KIAA1217: variants seen among roughly 807,000 people sequenced by gnomAD.
KIAA1217 encodes the protein KIAA1217, also known as sickle tail protein homolog.
A neutral mutation model predicts 163.9 loss-of-function variants in KIAA1217; 88 were observed. The observed-to-expected ratio is 0.54, with a 90% confidence interval of 0.45 to 0.64. The LOEUF is 0.64. Among genes scored for constraint, KIAA1217 ranks in the 30% least tolerant of loss-of-function variants. The probability of loss-of-function intolerance (pLI) is 0.00; values close to 1 mark genes in which losing one functional copy is unlikely to be tolerated. For synonymous variants in KIAA1217, 903 were observed against 923.1 expected (o/e 0.98, Z 0.39); for missense variants, 2,372 against 2,475.0 (o/e 0.96, Z 0.88).
chr10:23,931,076 C>A (rs1310585113), intron 1 of KIAA1217, among the ~76,000 whole-genome samples: 1 of 152,134 alleles, frequency 6.6e-6, no homozygotes, highest in African/African-American at 2.4e-5. Context: ...ATAGTTCCTA[C>A]TTCTAGGCTG....
chr10:24,132,305 A>T (rs1020589203), intron 2 of KIAA1217, among the ~76,000 whole-genome samples: 18 of 152,212 alleles, frequency 1.2e-4, no homozygotes, highest in African/African-American at 4.3e-4. Flanking sequence ...AACACAGAGC[A>T]GTCTGTCACA....
rs1216914194 is a variant in KIAA1217, at chr10:24,473,351, C to A, written c.970C>A (p.Pro324Thr). The change falls in exon 6 of 21, where the codon CCC (proline) becomes ACC (threonine). Residue 324 changes from proline (P) to threonine (T), a missense_variant. Transcript: ENST00000376454. Reference sequence around the variant, plus strand: ...GTCTACTCCAGTGCCCCATTCCATGCCCCCCTCCCCGTCCAGAATTCCTTA... The same window carrying A: ...GTCTACTCCAGTGCCCCATTCCATGACCCCCTCCCCGTCCAGAATTCCTTA... ...PPSTPVPHSM[P>T]PSPSRIPYGG... 3 of 1,599,720 alleles carry A rather than the reference C, an allele frequency of 1.9e-6. No individual in the cohort carries two copies. Among genetic ancestry groups the A allele is most frequent in the African/African-American group, 1.3e-5 (1 of 74,630 alleles).
At chr10:23,860,843 T>C (rs1050941317) in intron 1 of KIAA1217, among the ~76,000 whole-genome samples, 5 of 152,070 alleles carry the variant, frequency 3.3e-5, no homozygotes, top group Non-Finnish European at 5.9e-5. Context: ...TTATTTTTCT[T>C]TTTTTCTATT....
intron 5 of KIAA1217, among the ~76,000 whole-genome samples, chr10:24,464,647 A>G (rs1324639618): frequency 6.6e-6 from 1 of 152,072 alleles, no homozygotes; most frequent in Non-Finnish European, 1.5e-5. Context: ...CAGCATGCCC[A>G]GCTAAGTTTT....
rs142843165 is a variant in KIAA1217 at position 24,135,366 on chromosome 10, C to G, written c.-170-84260C>G. 3.1e-3 allele frequency among the ~76,000 whole-genome samples: 478 copies of G among 152,072 alleles called. 2 individuals are homozygous for G. The highest frequency in any genetic ancestry group is 0.027 in the Middle Eastern group (8 of 292). On this transcript the variant is annotated intron_variant, in intron 2 of 18. Transcript: ENST00000376462. ...AGTGAGTTTTAGCTCCCGTAAATAC[C>G]AAGCTTACATCAAGAAGCACCCACC...
In KIAA1217 at chr10:24,432,064, C is replaced by G. The variant is rs191692198; in HGVS notation, c.554-931C>G. On this transcript the variant is annotated intron_variant, in intron 3 of 20. Transcript: ENST00000376454. Reference sequence around the variant, plus strand: ...GTTAATGAAAGACATGAAAAAAAATCACTCTATGAGGTCAGATTTCTAAAT... The same window carrying G: ...GTTAATGAAAGACATGAAAAAAAATGACTCTATGAGGTCAGATTTCTAAAT... Among the ~76,000 whole-genome samples the G allele has an allele frequency of 3.9e-3, 591 of 150,692 alleles. 3 individuals are homozygous for G. Among genetic ancestry groups the G allele is most frequent in the Non-Finnish European group, 5.5e-3 (370 of 67,770 alleles).
chr10:23,772,669 C>A (rs1399997547), intron 1 of KIAA1217, among the ~76,000 whole-genome samples: 3 of 152,178 alleles, frequency 2.0e-5, no homozygotes, highest in Non-Finnish European at 4.4e-5. Flanking sequence ...GGAATGAACA[C>A]TCCGCGAACT....
chr10:23,952,913 A>C (rs937446625), intron 1 of KIAA1217, among the ~76,000 whole-genome samples: 27 of 152,196 alleles, frequency 1.8e-4, no homozygotes, highest in African/African-American at 6.5e-4. Flanking sequence ...CATGCTGCTG[A>C]ATGTCAGTAA....
At chr10:24,136,089 A>G (rs2063822417) in intron 2 of KIAA1217, among the ~76,000 whole-genome samples, 1 of 152,218 alleles carries the variant, frequency 6.6e-6, no homozygotes, top group African/African-American at 2.4e-5. Flanking sequence ...AGATTCAGGC[A>G]TGAGAGAAGG....
intron 2 of KIAA1217, among the ~76,000 whole-genome samples, chr10:24,074,463 C>G (rs540060237): frequency 7.9e-5 from 12 of 152,232 alleles, no homozygotes; most frequent in African/African-American, 2.6e-4. Context: ...TCTATTACCC[C>G]CTTCCTCTCT....
intron 3 of KIAA1217, among the ~76,000 whole-genome samples, chr10:24,388,520 C>A (rs2054350167): frequency 6.6e-6 from 1 of 152,140 alleles, no homozygotes; most frequent in Non-Finnish European, 1.5e-5. Context: ...ATGACTAAAA[C>A]ACCAAAAGCA....
chr10:24,270,767 G>A (rs1363801818), intron 2 of KIAA1217, among the ~76,000 whole-genome samples: 1 of 152,024 alleles, frequency 6.6e-6, no homozygotes, highest in African/African-American at 2.4e-5. Flanking sequence ...GGCTGGTCTC[G>A]AACTCCTGAC....
chr10:24,000,255 C>T (rs2131462041), intron 1 of KIAA1217, among the ~76,000 whole-genome samples: 1 of 152,286 alleles, frequency 6.6e-6, no homozygotes, highest in East Asian at 1.9e-4. Context: ...TCATAATCCC[C>T]ACGTGTCGTA....
chr10:23,826,571 T>C (rs1355177281), intron 1 of KIAA1217, among the ~76,000 whole-genome samples: 1 of 152,150 alleles, frequency 6.6e-6, no homozygotes, highest in Admixed American at 6.5e-5. Context: ...GGTTTATGAC[T>C]CCTCCTCAGA....
Position 23,699,248 on chromosome 10 carries a change from G to A in KIAA1217, c.-321+4014G>A, listed in dbSNP as rs117681074. ...GGTCCTAGGCAGAGCTGTGAAGTCA[G>A]TGAAGCTTGGACTGGGTGTTCCCCA... On this transcript the variant is annotated intron_variant, in intron 1 of 18. Coordinates refer to the KIAA1217 transcript ENST00000376462. Among the ~76,000 whole-genome samples, 41 of 152,344 alleles carry A rather than the reference G, an allele frequency of 2.7e-4. No individual in the cohort carries two copies. In the East Asian group the frequency reaches 7.5e-3, roughly 28 times the overall value.
At chr10:23,990,261 A>G (rs1386078641) in intron 1 of KIAA1217, among the ~76,000 whole-genome samples, 1 of 152,138 alleles carries the variant, frequency 6.6e-6, no homozygotes. Flanking sequence ...ATATATCCCA[A>G]CCAAGCAAGG....
At chr10:24,088,211 A>T (rs566048410) in intron 2 of KIAA1217, among the ~76,000 whole-genome samples, 2 of 117,046 alleles carry the variant, frequency 1.7e-5, no homozygotes, top group African/African-American at 5.3e-5. Context: ...AGGCTCAAGG[A>T]ACATCCCAAA....
chr10:24,034,866 A>G (rs753116457), intron 2 of KIAA1217, among the ~76,000 whole-genome samples: 1 of 151,410 alleles, frequency 6.6e-6, no homozygotes, highest in Non-Finnish European at 1.5e-5. Context: ...CTCCCAGATC[A>G]GAGCTGCTGG....
chr10:24,287,205 A>C (rs369929280), intron 2 of KIAA1217, among the ~76,000 whole-genome samples: 3 of 152,056 alleles, frequency 2.0e-5, no homozygotes, highest in African/African-American at 7.2e-5. Flanking sequence ...CATGCGCCAC[A>C]CGCCGAGCTA....
Sources: allele counts gnomAD v4.1 joint callset (sites outside exome capture counted in the v4.1 genomes callset), GRCh38; gene constraint gnomAD v4.1.1; transcripts MANE v1.5; gene names NCBI Gene and HGNC (gene_info 2026-07-23, HGNC 2026-07-21).